The following MEAK7 variants were observed in gnomAD, a reference collection of about 807,000 sequenced individuals.
MEAK7 encodes MTOR-associated protein MEAK7.
MEAK7 carries 68 observed loss-of-function variants against 40.5 expected under a neutral mutation model. The observed-to-expected ratio is 1.68, with a 90% CI of 1.38 to 2.06. The LOEUF is 2.06. MEAK7 is among the 30% of genes most tolerant of loss of function. The probability of loss-of-function intolerance (pLI) is 0.00; values close to 1 mark genes in which losing one functional copy is unlikely to be tolerated. For missense variants in MEAK7, 918 were observed against 580.5 expected, an observed-to-expected ratio of 1.58 and a Z score of -5.98; for synonymous variants, 338 against 231.9, an observed-to-expected ratio of 1.46 and a Z score of -4.16.
In MEAK7 at chr16:84,495,785, G is replaced by A. The variant is rs766959946; in HGVS notation, c.282C>T (p.Ser94=). Residue 94 remains serine (S), a synonymous_variant, in exon 3 of 8, where the codon TCC becomes TCT. Coordinates refer to ENST00000343629, the MANE Select transcript of MEAK7 (RefSeq NM_020947.4). ...ENVSQEQFTA[S]MSHLLKGNSE... Reference sequence around the variant, plus strand: ...AGTTTCCTTTCAACAGGTGGGACATGGATGCTGTGAACTGCTCCTGGGACA... The same window carrying A: ...AGTTTCCTTTCAACAGGTGGGACATAGATGCTGTGAACTGCTCCTGGGACA... 6 of 1,614,058 alleles carry A rather than the reference G, an allele frequency of 3.7e-6. No individual in the cohort carries two copies. Among genetic ancestry groups the A allele is most frequent in the African/African-American group, 1.3e-5 (1 of 75,000 alleles).
intron 3 of MEAK7, among the ~76,000 whole-genome samples, chr16:84,494,140 A>G (rs1462820248): frequency 2.6e-5 from 4 of 152,256 alleles, no homozygotes; most frequent in African/African-American, 9.6e-5. Context: ...GTCAGTGTCT[A>G]TATGGCAAAT....
chr16:84,485,556 T>A (rs1408404470), intron 5 of MEAK7, among the ~76,000 whole-genome samples: 1 of 152,184 alleles, frequency 6.6e-6, no homozygotes, highest in Non-Finnish European at 1.5e-5. Context: ...AGGCAAACCC[T>A]GGGGATGGTG....
chr16:84,484,770 T>C (rs1398211626), intron 5 of MEAK7, among the ~76,000 whole-genome samples: 2 of 152,198 alleles, frequency 1.3e-5, no homozygotes, highest in African/African-American at 4.8e-5. Flanking sequence ...CTCTCCGAAC[T>C]TGACCCACAG....
intron 3 of MEAK7, 172 bp downstream of exon 3, chr16:84,495,511 C>G: frequency 1.6e-6 from 1 of 632,996 alleles, no homozygotes; most frequent in Non-Finnish European, 2.7e-6. Flanking sequence ...AGGCACAGGC[C>G]TCTCTCCCAG....
chr16:84,492,859 G>A (rs931410557), intron 3 of MEAK7, among the ~76,000 whole-genome samples: 13 of 152,208 alleles, frequency 8.5e-5, no homozygotes, highest in Admixed American at 8.5e-4. Context: ...TGGCATTACA[G>A]GCGTCAGCCA....
intron 6 of MEAK7, 77 bp downstream of exon 6, chr16:84,482,515 G>A: frequency 6.2e-7 from 1 of 1,609,102 alleles, no homozygotes; most frequent in African/African-American, 1.3e-5. Flanking sequence ...CCTGATCTGT[G>A]GAGCTGAGCC....
At chr16:84,487,213 T>C in intron 4 of MEAK7, 154 bp from the exon 5 acceptor site, 2 of 611,072 alleles carry the variant, frequency 3.3e-6, no homozygotes, top group Non-Finnish European at 5.4e-6. Flanking sequence ...GCCGTCAGTG[T>C]AAAAGGCACA....
At chr16:84,501,964 G>A (rs1355844179) in intron 1 of MEAK7, among the ~76,000 whole-genome samples, 1 of 152,166 alleles carries the variant, frequency 6.6e-6, no homozygotes, top group Non-Finnish European at 1.5e-5. Context: ...GACCAACATG[G>A]AGAAACCCTG....
At position 84,480,509 on chromosome 16, in the gene MEAK7, C is replaced by G. The variant is rs1912433223; in HGVS notation, c.1257+20G>C. 6.3e-7 allele frequency: 1 copy of G among 1,581,670 alleles called. No homozygotes were observed. The highest frequency in any genetic ancestry group is 8.6e-7 in the Non-Finnish European group (1 of 1,164,210). On this transcript the variant is annotated intron_variant, in intron 7 of 7. Coordinates refer to ENST00000343629, the MANE Select transcript of MEAK7 (RefSeq NM_020947.4). ...AGGCTCAAGGGGCCATCCTGGGATG[C>G]AGAGGACAGCTCCACTCACCAACTG...
chr16:84,493,898 G>C (rs1408214758), intron 3 of MEAK7, among the ~76,000 whole-genome samples: 4 of 152,144 alleles, frequency 2.6e-5, no homozygotes, highest in Non-Finnish European at 5.9e-5. Flanking sequence ...TGTAAGTAAA[G>C]GATGTCACTT....
intron 3 of MEAK7, among the ~76,000 whole-genome samples, chr16:84,490,500 G>A (rs189638798): frequency 1.7e-5 from 2 of 119,302 alleles, no homozygotes; most frequent in African/African-American, 3.3e-5. Flanking sequence ...CCTGAGTTTG[G>A]TTCCTACATC....
At chr16:84,492,397 T>G (rs753560630) in intron 3 of MEAK7, among the ~76,000 whole-genome samples, 2 of 152,114 alleles carry the variant, frequency 1.3e-5, no homozygotes, top group Non-Finnish European at 2.9e-5. Context: ...CACAGAGATT[T>G]AAGTGGCCTC....
chr16:84,476,494 C>T lies in MEAK7; in HGVS notation c.*3419G>A, dbSNP rs528371151. The T allele has an allele frequency of 3.9e-5, 6 of 152,024 alleles. No individual in the cohort carries two copies. The highest frequency in any genetic ancestry group is 3.9e-4 in the Admixed American group (6 of 15,276). 9.4% of individuals were successfully genotyped at this position (152,024 alleles called of 1,614,324 possible). ...AATAAAAGGCATATACCTCTCAATC[C>T]AACAATTCCAATTCTAAGAGTTTAT... On this transcript the variant is annotated 3_prime_UTR_variant, in exon 8 of 8. Transcript: ENST00000343629.
At chr16:84,500,879 G>A (rs1475992757) in intron 1 of MEAK7, among the ~76,000 whole-genome samples, 1 of 152,058 alleles carries the variant, frequency 6.6e-6, no homozygotes, top group African/African-American at 2.4e-5. Context: ...CATCTCCTGA[G>A]GTCAGGAGTT....
chr16:84,491,977 G>C (rs112567161), intron 3 of MEAK7, among the ~76,000 whole-genome samples: 3 of 152,138 alleles, frequency 2.0e-5, no homozygotes, highest in Non-Finnish European at 4.4e-5. Flanking sequence ...AGGGCTAAAA[G>C]AGACTTGAAT....
At chr16:84,480,792 C>G in intron 6 of MEAK7, 84 bp from the exon 7 acceptor site, 2 of 1,455,256 alleles carry the variant, frequency 1.4e-6, no homozygotes, top group Non-Finnish European at 1.8e-6. Flanking sequence ...AGCCTCTCGC[C>G]TTAAGTACCA....
At chr16:84,492,671 T>G (rs1274978169) in intron 3 of MEAK7, among the ~76,000 whole-genome samples, 1 of 152,074 alleles carries the variant, frequency 6.6e-6, no homozygotes, top group African/African-American at 2.4e-5. Flanking sequence ...AACCTCCACC[T>G]CTCGAGTTCA....
chr16:84,482,447 T>A, intron 6 of MEAK7, 145 bp downstream of exon 6: 1 of 1,377,282 alleles, frequency 7.3e-7, no homozygotes, highest in Middle Eastern at 2.5e-4. Flanking sequence ...GCACCGGCCC[T>A]GGAAACAGAA....
At position 84,478,156 on chromosome 16, in the gene MEAK7, G is replaced by A. The variant is rs2150618335; in HGVS notation, c.*1757C>T. ...GTGACAATAGGGACCTAAATTCTTT[G>A]GACTTACGGTAGAGATGCTTGAGGA... On this transcript the variant is annotated 3_prime_UTR_variant, in exon 8 of 8. Transcript: ENST00000343629. 6.6e-6 allele frequency: 1 copy of A among 151,186 alleles called. No homozygotes were observed. Among genetic ancestry groups the A allele is most frequent in the South Asian group, 2.1e-4 (1 of 4,812 alleles). The allele number at this position is 151,186 out of a possible 1,614,324, so 9.4% of individuals were successfully genotyped here.
Sources: allele counts gnomAD v4.1 joint callset (sites outside exome capture counted in the v4.1 genomes callset), GRCh38; gene constraint gnomAD v4.1.1; transcripts MANE v1.5; gene names NCBI Gene and HGNC (gene_info 2026-07-23, HGNC 2026-07-21).